KCNJ16: variants seen among roughly 807,000 people sequenced by gnomAD.
The protein encoded by KCNJ16 is potassium inwardly rectifying channel subfamily J member 16, also known as inward rectifier potassium channel 16.
KCNJ16 carries 15 observed loss-of-function variants against 18.5 expected under a neutral mutation model. The observed-to-expected ratio is 0.81, with a 90% CI of 0.54 to 1.25. The LOEUF (loss-of-function observed/expected upper bound fraction) is 1.25, where lower values mean the gene tolerates loss of function less well. KCNJ16 is among the 50% of genes most tolerant of loss of function. The pLI is 0.00. For missense variants in KCNJ16, 523 were observed against 525.7 expected (o/e 0.99, Z 0.05); for synonymous variants, 174 against 186.5 (o/e 0.93, Z 0.55).
chr17:70,107,149 AC>A (rs2042323346), intron 2 of KCNJ16, among the ~76,000 whole-genome samples: 1 of 152,234 alleles, frequency 6.6e-6, no homozygotes, highest in African/African-American at 2.4e-5. Flanking sequence ...TTTTAAAAAG[AC>A]AGAGAACACA....
chr17:70,106,980 T>C (rs1020235286), intron 2 of KCNJ16, among the ~76,000 whole-genome samples: 2 of 152,228 alleles, frequency 1.3e-5, no homozygotes, highest in South Asian at 4.1e-4. Context: ...GGCTTTTTCC[T>C]GATGGTTTCT....
chr17:70,099,559 G>A (rs1290249503), intron 1 of KCNJ16, among the ~76,000 whole-genome samples: 3 of 152,010 alleles, frequency 2.0e-5, no homozygotes, highest in Non-Finnish European at 4.4e-5. Context: ...AAGTAGAGAC[G>A]GACAGCCATC....
chr17:70,124,260 G>GT (rs1329418761), intron 2 of KCNJ16, among the ~76,000 whole-genome samples: 1 of 152,100 alleles, frequency 6.6e-6, no homozygotes, highest in African/African-American at 2.4e-5. Context: ...CTTCTCCATA[G>GT]TATCACTTTC....
intron 2 of KCNJ16, among the ~76,000 whole-genome samples, chr17:70,126,851 T>C (rs1176104991): frequency 6.6e-6 from 1 of 152,208 alleles, no homozygotes; most frequent in Non-Finnish European, 1.5e-5. Flanking sequence ...TAATCCCAGA[T>C]TCTACATTTC....
intron 1 of KCNJ16, among the ~76,000 whole-genome samples, chr17:70,083,580 T>C (rs1735164603): frequency 6.6e-6 from 1 of 152,114 alleles, no homozygotes; most frequent in Admixed American, 6.5e-5. Flanking sequence ...GGCTTGTAGC[T>C]TAGGAGTAAT....
At chr17:70,089,463 C>T (rs1205087294) in intron 1 of KCNJ16, among the ~76,000 whole-genome samples, 1 of 152,118 alleles carries the variant, frequency 6.6e-6, no homozygotes, top group African/African-American at 2.4e-5. Context: ...AGTTGAAAAA[C>T]ATCACCCAAA....
intron 1 of KCNJ16, among the ~76,000 whole-genome samples, chr17:70,095,357 C>A (rs1212130620): frequency 6.6e-6 from 1 of 152,200 alleles, no homozygotes; most frequent in South Asian, 2.1e-4. Context: ...ATGGTCAGAA[C>A]TTGGTCAATG....
chr17:70,095,206 T>C (rs976123014), intron 1 of KCNJ16, among the ~76,000 whole-genome samples: 1 of 152,210 alleles, frequency 6.6e-6, no homozygotes, highest in Admixed American at 6.5e-5. Flanking sequence ...TTTACCACCA[T>C]ACTATGTTTT....
chr17:70,080,922 G>A (rs958538112), intron 1 of KCNJ16, among the ~76,000 whole-genome samples: 1 of 152,220 alleles, frequency 6.6e-6, no homozygotes, highest in African/African-American at 2.4e-5. Context: ...GACAGCACAG[G>A]AGGTCTGCTA....
intron 1 of KCNJ16, among the ~76,000 whole-genome samples, chr17:70,087,381 CT>C (rs780247813): frequency 1.3e-5 from 2 of 152,100 alleles, no homozygotes; most frequent in Admixed American, 6.6e-5. Flanking sequence ...ACAGTGTCCT[CT>C]TTCCTCTTTT....
intron 2 of KCNJ16, among the ~76,000 whole-genome samples, chr17:70,105,890 G>A (rs2072900771): frequency 1.3e-5 from 2 of 152,106 alleles, no homozygotes; most frequent in African/African-American, 4.8e-5. Flanking sequence ...CCTGGCCATG[G>A]GTTTAGCCAT....
At chr17:70,103,404 C>G (rs2072764962) in intron 2 of KCNJ16, among the ~76,000 whole-genome samples, 1 of 149,856 alleles carries the variant, frequency 6.7e-6, no homozygotes, top group African/African-American at 2.5e-5. Flanking sequence ...TGGGCTCAAG[C>G]AATCCTCTCG....
chr17:70,119,361 C>T (rs981258231), intron 2 of KCNJ16, among the ~76,000 whole-genome samples: 1 of 152,164 alleles, frequency 6.6e-6, no homozygotes, highest in African/African-American at 2.4e-5. Flanking sequence ...TAGGCAGTGC[C>T]CCAGTGGGGA....
chr17:70,089,590 ACTACAGGGTTT>A (rs1184254741), intron 1 of KCNJ16, among the ~76,000 whole-genome samples: 3 of 152,196 alleles, frequency 2.0e-5, no homozygotes, highest in African/African-American at 7.2e-5. Flanking sequence ...GAAGCATAAA[ACTACAGGGTTT>A]CCATAGTTGC....
chr17:70,085,649 G>T (rs112882670), intron 1 of KCNJ16, among the ~76,000 whole-genome samples: 9 of 152,162 alleles, frequency 5.9e-5, no homozygotes, highest in Middle Eastern at 3.2e-3. Flanking sequence ...TAATAAAGGA[G>T]AATGAAACCC....
intron 2 of KCNJ16, chr17:70,104,930 T>G (rs2072844205): frequency 6.6e-6 from 1 of 152,542 alleles, no homozygotes; most frequent in Non-Finnish European, 1.5e-5. Flanking sequence ...GTGGGGTTTC[T>G]CATCTCCATG....
intron 2 of KCNJ16, among the ~76,000 whole-genome samples, chr17:70,103,214 G>GTA (rs555960645): frequency 1.3e-4 from 18 of 141,120 alleles, no homozygotes; most frequent in Middle Eastern, 3.8e-3. Flanking sequence ...ATATTTTTGT[G>GTA]TATATATATG....
intron 2 of KCNJ16, among the ~76,000 whole-genome samples, chr17:70,123,006 C>T (rs1022548993): frequency 3.3e-5 from 5 of 152,228 alleles, no homozygotes; most frequent in East Asian, 1.9e-4. Context: ...TACCTCCCTC[C>T]TTCTGCTCTT....
Position 70,083,768 on chromosome 17 carries a change from T to C in KCNJ16, c.-300+8378T>C, listed in dbSNP as rs544346497. ...TCATAAAAATTTGACTTTACACAGT[T>C]GGTCACATATTCTATGTGAAGCTGA... On this transcript the variant is annotated intron_variant, in intron 1 of 3. Coordinates refer to ENST00000392671, the MANE Select transcript of KCNJ16 (RefSeq NM_170741.4). Among the ~76,000 whole-genome samples, 5 of 152,300 alleles carry C rather than the reference T, an allele frequency of 3.3e-5. No homozygotes were observed. In the South Asian group the frequency reaches 1.0e-3, roughly 32 times the overall value.
Sources: allele counts gnomAD v4.1 joint callset (sites outside exome capture counted in the v4.1 genomes callset), GRCh38; gene constraint gnomAD v4.1.1; transcripts MANE v1.5; gene names NCBI Gene and HGNC (gene_info 2026-07-23, HGNC 2026-07-21).